The following RNGTT variants were observed in gnomAD, a reference collection of about 807,000 sequenced individuals.
RNGTT encodes mRNA-capping enzyme.
A neutral mutation model predicts 79.3 loss-of-function variants in RNGTT; 33 were observed. The observed-to-expected ratio is 0.42, with a 90% CI of 0.32 to 0.56. The LOEUF (loss-of-function observed/expected upper bound fraction) is 0.56, where lower values mean the gene tolerates loss of function less well. Ranked by LOEUF, RNGTT falls within the 20% of genes least tolerant of loss-of-function variation. The probability of loss-of-function intolerance (pLI) is 0.17; values close to 1 mark genes in which losing one functional copy is unlikely to be tolerated. For missense variants in RNGTT, 497 were observed against 739.1 expected (o/e 0.67, Z 3.80); for synonymous variants, 222 against 235.9 (o/e 0.94, Z 0.54).
In RNGTT at chr6:88,801,655, T is replaced by G. The variant is rs1412872107; in HGVS notation, c.1270-23A>C. 2.0e-6 allele frequency: 3 copies of G among 1,475,948 alleles called. No individual in the cohort carries two copies. The Admixed American group carries it at 5.0e-5, about 25-fold the overall frequency. 91.4% of individuals were successfully genotyped at this position (1,475,948 alleles called of 1,614,324 possible). A position where few individuals can be genotyped will look rare whatever the true frequency, so the allele number is the denominator to read the frequency against. On this transcript the variant is annotated intron_variant, in intron 11 of 15. Transcript: ENST00000369485. ...TAGCTATAAAATAAATACACATGTA[T>G]TCTTTAAAAATATAATAATCACTTT...
At chr6:88,945,918 G>GGAA (rs1784993784) in intron 1 of RNGTT, among the ~76,000 whole-genome samples, 1 of 152,186 alleles carries the variant, frequency 6.6e-6, no homozygotes, top group Non-Finnish European at 1.5e-5. Context: ...AGACTCTAGC[G>GGAA]AGTTGCTAAT....
chr6:88,740,557 AAAGAAT>A (rs146338081), intron 13 of RNGTT, among the ~76,000 whole-genome samples: 1,965 of 152,124 alleles, frequency 0.013, 43 homozygotes, highest in African/African-American at 0.045. Context: ...AGAAAAAAGA[AAAGAAT>A]AAGAATAAGA....
intron 2 of RNGTT, among the ~76,000 whole-genome samples, chr6:88,929,647 T>A (rs148927268): frequency 6.6e-6 from 1 of 152,066 alleles, no homozygotes; most frequent in Non-Finnish European, 1.5e-5. Context: ...ATGGCATCTA[T>A]CTGAAGTATA....
Position 88,904,710 on chromosome 6 carries a change from A to G in RNGTT, c.684+5T>C. ...AAAACCTATTATAATATTTTTAAACATTACCAGTTTTAACCGTTCTTTTCT... is the reference window on the plus strand; with the variant it reads ...AAAACCTATTATAATATTTTTAAACGTTACCAGTTTTAACCGTTCTTTTCT... On this transcript the variant is annotated splice_donor_5th_base_variant and intron_variant, in intron 6 of 15. Coordinates refer to ENST00000369485, the MANE Select transcript of RNGTT (RefSeq NM_003800.5). The G allele has an allele frequency of 1.2e-6, 2 of 1,600,650 alleles. No individual in the cohort carries two copies. Among genetic ancestry groups the G allele is most frequent in the Non-Finnish European group, 1.7e-6 (2 of 1,176,180 alleles).
chr6:88,926,076 T>C (rs1469659696), intron 4 of RNGTT, among the ~76,000 whole-genome samples: 1 of 152,234 alleles, frequency 6.6e-6, no homozygotes, highest in Non-Finnish European at 1.5e-5. Context: ...ATATCCTTCT[T>C]TGTTTACTCC....
chr6:88,904,252 T>A (rs1052087759), intron 6 of RNGTT, among the ~76,000 whole-genome samples: 4 of 152,142 alleles, frequency 2.6e-5, no homozygotes, highest in Non-Finnish European at 5.9e-5. Flanking sequence ...AATTTTTCTC[T>A]TTGAAAAGAC....
rs1780976319 is a variant in RNGTT at position 88,834,040 on chromosome 6, A to G, written c.1269+10317T>C. ...CGTCTCAAAAAAAAGAATAAAAAAT[A>G]AAATAAAATAATAATCATCATTTTC... On this transcript the variant is annotated intron_variant, in intron 11 of 15. Coordinates refer to ENST00000369485, the MANE Select transcript of RNGTT (RefSeq NM_003800.5). Among the ~76,000 whole-genome samples, 4 of 152,230 alleles carry G rather than the reference A, an allele frequency of 2.6e-5. No individual in the cohort carries two copies. The South Asian group carries it at 8.3e-4, about 31-fold the overall frequency.
intron 13 of RNGTT, among the ~76,000 whole-genome samples, chr6:88,745,202 T>C (rs1471758608): frequency 6.6e-6 from 1 of 152,206 alleles, no homozygotes; most frequent in Non-Finnish European, 1.5e-5. Flanking sequence ...CCTTTAACAG[T>C]GATGAAGGTT....
In RNGTT at chr6:88,918,921, TGTA is replaced by T. The variant is rs536158498; in HGVS notation, c.367+10061_367+10063del. On this transcript the variant is annotated intron_variant, in intron 4 of 15. Coordinates refer to ENST00000369485, the MANE Select transcript of RNGTT (RefSeq NM_003800.5). The stretch of plus-strand genomic sequence containing the variant: ...ATTAAATATTTTTATGAATAGGAAA[TGTA>T]ATAATAATTGCCAATTAGCTAATAT... 1.8e-3 allele frequency among the ~76,000 whole-genome samples: 279 copies of T among 152,346 alleles called. 1 individual carries two copies. Among genetic ancestry groups the T allele is most frequent in the Non-Finnish European group, 3.0e-3 (206 of 68,026 alleles).
intron 14 of RNGTT, among the ~76,000 whole-genome samples, chr6:88,675,051 T>C (rs1023409268): frequency 2.6e-5 from 4 of 151,428 alleles, no homozygotes; most frequent in Non-Finnish European, 5.9e-5. Flanking sequence ...TGAGCCGAGA[T>C]TGTGCCACTG....
intron 13 of RNGTT, among the ~76,000 whole-genome samples, chr6:88,724,148 T>A (rs543874812): frequency 6.6e-6 from 1 of 152,342 alleles, no homozygotes; most frequent in South Asian, 2.1e-4. Flanking sequence ...AAGAAAACTT[T>A]TAAATAAATT....
At chr6:88,722,546 A>T (rs1214239742) in intron 13 of RNGTT, among the ~76,000 whole-genome samples, 1 of 152,164 alleles carries the variant, frequency 6.6e-6, no homozygotes, top group Non-Finnish European at 1.5e-5. Context: ...AATGGTAAGA[A>T]CACTTACATG....
intron 13 of RNGTT, among the ~76,000 whole-genome samples, chr6:88,726,693 A>T (rs759428240): frequency 1.8e-4 from 27 of 152,336 alleles, no homozygotes; most frequent in Non-Finnish European, 3.2e-4. Context: ...AAAGTGCCTA[A>T]TAATTAGTCT....
At chr6:88,808,150 T>C (rs1780021307) in intron 11 of RNGTT, among the ~76,000 whole-genome samples, 2 of 152,148 alleles carry the variant, frequency 1.3e-5, no homozygotes, top group Admixed American at 1.3e-4. Context: ...AAAACTAGAA[T>C]AAATATAAGA....
chr6:88,757,668 T>C (rs1582423438), intron 13 of RNGTT, among the ~76,000 whole-genome samples: 1 of 152,194 alleles, frequency 6.6e-6, no homozygotes, highest in African/African-American at 2.4e-5. Context: ...ACAAAATGTT[T>C]TCAAAAGATT....
At chr6:88,689,268 C>T (rs1216729430) in intron 13 of RNGTT, among the ~76,000 whole-genome samples, 1 of 151,752 alleles carries the variant, frequency 6.6e-6, no homozygotes, top group South Asian at 2.1e-4. Context: ...ATAGTGAGAA[C>T]TTGTCTCTAT....
chr6:88,952,991 T>C (rs1015839289), intron 1 of RNGTT, among the ~76,000 whole-genome samples: 2 of 152,176 alleles, frequency 1.3e-5, no homozygotes, highest in Non-Finnish European at 2.9e-5. Context: ...GTTTCAGACC[T>C]TTCCACTGAA....
chr6:88,890,166 T>A (rs1221133588), intron 8 of RNGTT, among the ~76,000 whole-genome samples: 1 of 151,968 alleles, frequency 6.6e-6, no homozygotes, highest in Non-Finnish European at 1.5e-5. Context: ...CCTCAACATG[T>A]CCAATATCAT....
chr6:88,630,817 G>T (rs1353857009), intron 14 of RNGTT, among the ~76,000 whole-genome samples: 1 of 150,446 alleles, frequency 6.6e-6, no homozygotes, highest in African/African-American at 2.4e-5. Flanking sequence ...TTGTTTTTTT[G>T]CTTAAATATT....
Sources: allele counts gnomAD v4.1 joint callset (sites outside exome capture counted in the v4.1 genomes callset), GRCh38; gene constraint gnomAD v4.1.1; transcripts MANE v1.5; gene names NCBI Gene and HGNC (gene_info 2026-07-23, HGNC 2026-07-21).